Variants in USH2A observed in about 807,000 individuals in gnomAD.
USH2A encodes the protein Usher syndrome 2A (autosomal recessive, mild).
A neutral mutation model predicts 538.9 loss-of-function variants in USH2A; 443 were observed. That is an observed-to-expected ratio of 0.82 (90% confidence interval 0.76 to 0.89). The LOEUF (loss-of-function observed/expected upper bound fraction) is 0.89. Ranked by LOEUF, USH2A falls within the 40% of genes least tolerant of loss-of-function variation. The pLI, the probability that USH2A is intolerant of heterozygous loss-of-function variation, is 0.00. For missense variants in USH2A, 6,633 were observed against 6,324.8 expected, an observed-to-expected ratio of 1.05 and a Z score of -1.65; for synonymous variants, 2,413 against 2,273.5, an observed-to-expected ratio of 1.06 and a Z score of -1.75.
Position 215,671,075 on chromosome 1 carries a change from A to G in USH2A, c.14030T>C (p.Ile4677Thr), listed in dbSNP as rs746153111. The G allele has an allele frequency of 6.2e-7, 1 of 1,614,148 alleles. No homozygotes were observed. The highest frequency in any genetic ancestry group is 8.5e-7 in the Non-Finnish European group (1 of 1,180,024). Residue 4677 changes from isoleucine to threonine, a missense_variant, in exon 64 of 72, where the codon ATA (isoleucine) becomes ACA (threonine). By Grantham distance (89) the Ile-to-Thr change is moderately conservative. Transcript: ENST00000307340. Reference protein sequence around the residue: ...VLYYELYRRQIATQPRKSNPV... With the variant: ...VLYYELYRRQTATQPRKSNPV... ...ATTGGATTTTCTAGGCTGAGTTGCTATTTGTCTTCTGTATAATTCGTAATA... is the reference window on the plus strand; with the variant it reads ...ATTGGATTTTCTAGGCTGAGTTGCTGTTTGTCTTCTGTATAATTCGTAATA...
chr1:216,001,339 G>A (rs968468121), intron 32 of USH2A, among the ~76,000 whole-genome samples: 1 of 152,074 alleles, frequency 6.6e-6, no homozygotes, highest in African/African-American at 2.4e-5. Context: ...AACGAGCTAG[G>A]TCTGAAAGAT....
rs986508339 is a variant in USH2A, at chr1:215,766,702, T to C, written c.11026A>G (p.Thr3676Ala). The change falls in exon 56 of 72, where the codon ACA (threonine) becomes GCA (alanine). Residue 3676 changes from threonine to alanine, a missense_variant. Physicochemically the swap from Thr to Ala is moderately conservative, Grantham distance 58 (BLOSUM62 0). Coordinates refer to ENST00000307340, the MANE Select transcript of USH2A (RefSeq NM_206933.4). ...TTACCTTCAGGAGCTGCCTGCAGTG[T>C]CTGACCTAGAAAAGGCTCGCTTGAA... ...CTSSEPFLGQTLQAAPEGVWV... is the reference protein window; with the variant it reads ...CTSSEPFLGQALQAAPEGVWV... 9 of 1,613,682 alleles carry C rather than the reference T, an allele frequency of 5.6e-6. No individual in the cohort carries two copies. The highest frequency in any genetic ancestry group is 7.6e-6 in the Non-Finnish European group (9 of 1,179,638).
At chr1:215,691,099 G>T (rs1658589641) in intron 61 of USH2A, among the ~76,000 whole-genome samples, 1 of 152,084 alleles carries the variant, frequency 6.6e-6, no homozygotes, top group African/African-American at 2.4e-5. Context: ...GGCCAGGCTG[G>T]TCTCGAACTC....
chr1:215,978,776 C>T (rs939523322), intron 35 of USH2A, among the ~76,000 whole-genome samples: 9 of 152,104 alleles, frequency 5.9e-5, no homozygotes, highest in Admixed American at 6.6e-5. Flanking sequence ...CTTCCACATA[C>T]GGTAGTGGGG....
intron 21 of USH2A, among the ~76,000 whole-genome samples, chr1:216,124,318 T>C (rs761041959): frequency 6.6e-6 from 1 of 151,712 alleles, no homozygotes; most frequent in African/African-American, 2.4e-5. Flanking sequence ...TCAGGCAGTA[T>C]CAAAGCTGAC....
At chr1:216,020,049 A>T (rs1396222802) in intron 32 of USH2A, among the ~76,000 whole-genome samples, 1 of 152,198 alleles carries the variant, frequency 6.6e-6, no homozygotes, top group Middle Eastern at 3.2e-3. Flanking sequence ...TAGAATGATG[A>T]GCTTTTCTCT....
intron 19 of USH2A, among the ~76,000 whole-genome samples, chr1:216,191,531 A>G (rs2034716886): frequency 6.6e-6 from 1 of 152,008 alleles, no homozygotes; most frequent in African/African-American, 2.4e-5. Flanking sequence ...CTTTAAAACC[A>G]TTTCCTTGCA....
intron 11 of USH2A, among the ~76,000 whole-genome samples, chr1:216,275,431 A>C (rs2036654143): frequency 6.6e-6 from 1 of 152,110 alleles, no homozygotes; most frequent in Non-Finnish European, 1.5e-5. Context: ...ATGTTGTATA[A>C]AGATACACTT....
At chr1:216,370,691 A>AAAAAAAAAAAAT (rs2038696089) in intron 3 of USH2A, among the ~76,000 whole-genome samples, 4 of 150,382 alleles carry the variant, frequency 2.7e-5, no homozygotes, top group African/African-American at 4.9e-5. Context: ...AAAAAAAAAA[A>AAAAAAAAAAAAT]AAAAAAAAAA....
intron 21 of USH2A, among the ~76,000 whole-genome samples, chr1:216,168,946 C>T (rs1312668643): frequency 6.6e-6 from 1 of 152,078 alleles, no homozygotes; most frequent in Non-Finnish European, 1.5e-5. Flanking sequence ...CTCTTAAAAA[C>T]TCTGATCCCC....
chr1:216,388,276 A>T (rs1470100066), intron 3 of USH2A, among the ~76,000 whole-genome samples: 1 of 152,180 alleles, frequency 6.6e-6, no homozygotes, highest in African/African-American at 2.4e-5. Flanking sequence ...CTTTTCTAAA[A>T]ATTGGGATTG....
intron 56 of USH2A, among the ~76,000 whole-genome samples, chr1:215,763,847 G>A (rs1661053487): frequency 6.6e-6 from 1 of 151,934 alleles, no homozygotes; most frequent in Non-Finnish European, 1.5e-5. Context: ...AAAGGGACGG[G>A]AAAGAAGAAC....
chr1:215,975,208 T>G (rs1667594380), intron 35 of USH2A, among the ~76,000 whole-genome samples: 1 of 152,216 alleles, frequency 6.6e-6, no homozygotes, highest in Admixed American at 6.6e-5. Context: ...TTAAGTTTCT[T>G]ATAGATTCTG....
chr1:215,851,570 C>T (rs976244015), intron 44 of USH2A, among the ~76,000 whole-genome samples: 3 of 151,968 alleles, frequency 2.0e-5, no homozygotes, highest in Admixed American at 2.0e-4. Context: ...CAAAAAAAGT[C>T]CAGGACCAGA....
At chr1:216,328,675 G>T (rs2037785182) in intron 4 of USH2A, among the ~76,000 whole-genome samples, 1 of 152,004 alleles carries the variant, frequency 6.6e-6, no homozygotes, top group African/African-American at 2.4e-5. Flanking sequence ...CTGGGACAGA[G>T]TGAGGATATG....
At chr1:216,191,515 T>G (rs538536379) in intron 19 of USH2A, among the ~76,000 whole-genome samples, 2 of 152,098 alleles carry the variant, frequency 1.3e-5, no homozygotes, top group South Asian at 2.1e-4. Context: ...TAATTTAAAT[T>G]TAAAACTTTA....
At chr1:216,025,750 A>G (rs1668949058) in intron 32 of USH2A, among the ~76,000 whole-genome samples, 1 of 152,098 alleles carries the variant, frequency 6.6e-6, no homozygotes. Context: ...TATAGCAATG[A>G]TTCAGCTGAG....
At chr1:215,730,917 C>A (rs1035236533) in intron 60 of USH2A, among the ~76,000 whole-genome samples, 1 of 152,138 alleles carries the variant, frequency 6.6e-6, no homozygotes, top group Non-Finnish European at 1.5e-5. Context: ...TGGGAGAGAT[C>A]CATTCTAATG....
chr1:216,340,522 T>C lies in USH2A; in HGVS notation c.785-12868A>G, dbSNP rs576410247. 1.9e-3 allele frequency among the ~76,000 whole-genome samples: 254 copies of C among 132,058 alleles called. 3 individuals are homozygous for C. The highest frequency in any genetic ancestry group is 7.6e-3 in the African/African-American group (248 of 32,606). 86.6% of individuals were successfully genotyped at this position (132,058 alleles called of 152,430 possible). On this transcript the variant is annotated intron_variant, in intron 4 of 71. Coordinates refer to ENST00000307340, the MANE Select transcript of USH2A (RefSeq NM_206933.4). Reference sequence around the variant, plus strand: ...CAGCATCATCCTGATACAAAAAACCTGGCAGAGACATGACAAAAAAAAAAA... The same window carrying C: ...CAGCATCATCCTGATACAAAAAACCCGGCAGAGACATGACAAAAAAAAAAA...
Sources: gnomAD v4.1 joint callset for allele counts (sites outside exome capture counted in the v4.1 genomes callset) on GRCh38, gnomAD v4.1.1 for gene constraint, MANE v1.5 for transcripts, NCBI Gene and HGNC (gene_info 2026-07-23, HGNC 2026-07-21) for gene names.